RGS7: variants seen among roughly 807,000 people sequenced by gnomAD.
RGS7 encodes the protein regulator of G-protein signaling 7.
Under a neutral mutation model 81.1 loss-of-function variants are expected in RGS7, and 27 were observed. That is an observed-to-expected ratio of 0.33 (90% confidence interval 0.25 to 0.46). The LOEUF is 0.46. Among genes scored for constraint, RGS7 ranks in the 20% least tolerant of loss-of-function variants. RGS7 has a pLI of 1.00. For synonymous variants in RGS7, 208 were observed against 207.7 expected (o/e 1.00, Z -0.01); for missense variants, 396 against 607.4 (o/e 0.65, Z 3.66).
chr1:240,882,444 A>C (rs1047905254), intron 6 of RGS7, among the ~76,000 whole-genome samples: 6 of 152,184 alleles, frequency 3.9e-5, no homozygotes, highest in African/African-American at 1.4e-4. Context: ...AGAGCCTTAA[A>C]TTAACAATCC....
At chr1:240,940,375 C>T (rs973451490) in intron 4 of RGS7, among the ~76,000 whole-genome samples, 2 of 152,278 alleles carry the variant, frequency 1.3e-5, no homozygotes, top group East Asian at 1.9e-4. Flanking sequence ...CTGGTATCCA[C>T]CTGGTCTCCA....
At chr1:240,806,044 G>T in intron 15 of RGS7, 96 bp downstream of exon 15, 1 of 1,087,414 alleles carries the variant, frequency 9.2e-7, no homozygotes, top group East Asian at 2.4e-5. Flanking sequence ...GAAAATGTTA[G>T]AAATAGCTGC....
intron 10 of RGS7, among the ~76,000 whole-genome samples, chr1:240,826,688 T>C (rs1357980445): frequency 6.6e-6 from 1 of 152,140 alleles, no homozygotes; most frequent in Non-Finnish European, 1.5e-5. Context: ...CACACCGATA[T>C]TCTCTCAGAT....
intron 2 of RGS7, among the ~76,000 whole-genome samples, chr1:241,301,327 T>C (rs1283924926): frequency 6.6e-6 from 1 of 152,226 alleles, no homozygotes; most frequent in African/African-American, 2.4e-5. Context: ...TAACTACATA[T>C]ATGTAAAAGC....
chr1:241,268,021 C>T (rs1463782537), intron 2 of RGS7, among the ~76,000 whole-genome samples: 2 of 152,164 alleles, frequency 1.3e-5, no homozygotes, highest in African/African-American at 4.8e-5. Context: ...GTGTTTAAAA[C>T]AAAGCCATTA....
intron 3 of RGS7, among the ~76,000 whole-genome samples, chr1:241,089,051 CTCTCTCTCTCTCTATATATA>C (rs1220238075): frequency 1.9e-5 from 1 of 53,564 alleles, no homozygotes; most frequent in East Asian, 3.6e-4. Context: ...CTCTCTCTCT[CTCTCTCTCTCTCTATATATA>C]TATATATATA....
chr1:241,346,552 A>G (rs183749235), intron 2 of RGS7, among the ~76,000 whole-genome samples: 1 of 152,308 alleles, frequency 6.6e-6, no homozygotes, highest in Admixed American at 6.5e-5. Context: ...TATGCAACCA[A>G]TATTCGAGGA....
At chr1:241,162,168 T>G (rs2069749428) in intron 2 of RGS7, among the ~76,000 whole-genome samples, 1 of 151,468 alleles carries the variant, frequency 6.6e-6, no homozygotes. Context: ...TTGCAGCTGG[T>G]ACCAAAGAAA....
At chr1:240,876,214 C>G (rs1665385956) in intron 6 of RGS7, among the ~76,000 whole-genome samples, 1 of 152,142 alleles carries the variant, frequency 6.6e-6, no homozygotes, top group African/African-American at 2.4e-5. Context: ...CTATTGTGTT[C>G]CCAGGGGTGC....
rs144276099 is a variant in RGS7, at chr1:241,097,454, G to T, written c.175+1212C>A. Among the ~76,000 whole-genome samples, 277 of 152,136 alleles carry T rather than the reference G, an allele frequency of 1.8e-3. 1 individual carries two copies. Among genetic ancestry groups the T allele is most frequent in the Middle Eastern group, 3.4e-3 (1 of 294 alleles). ...ACAGGTATCAAACCCCGACACGGAG[G>T]CCGCTTCCCTATTATTCCTGTCCTG... On this transcript the variant is annotated intron_variant, in intron 3 of 18. Coordinates refer to ENST00000440928, the MANE Select transcript of RGS7 (RefSeq NM_001364886.1).
chr1:241,137,433 C>A (rs2067600749), intron 2 of RGS7, among the ~76,000 whole-genome samples: 1 of 151,876 alleles, frequency 6.6e-6, no homozygotes, highest in Non-Finnish European at 1.5e-5. Flanking sequence ...CATTGTGTTC[C>A]TTTTATTGTT....
chr1:241,022,065 A>G (rs919613200), intron 3 of RGS7, among the ~76,000 whole-genome samples: 1 of 152,218 alleles, frequency 6.6e-6, no homozygotes, highest in Non-Finnish European at 1.5e-5. Flanking sequence ...CGATGACAAT[A>G]TTATCTGCCA....
At chr1:241,298,132 A>G (rs909506858) in intron 2 of RGS7, among the ~76,000 whole-genome samples, 3 of 152,194 alleles carry the variant, frequency 2.0e-5, no homozygotes, top group African/African-American at 7.2e-5. Context: ...ATCTGCTACA[A>G]GAACCTTAAA....
At position 240,960,712 on chromosome 1, in the gene RGS7, G is replaced by A. The variant is rs575214867; in HGVS notation, c.226+22367C>T. 4.6e-5 allele frequency among the ~76,000 whole-genome samples: 7 copies of A among 152,066 alleles called. No individual in the cohort carries two copies. The East Asian group carries it at 1.4e-3, about 29-fold the overall frequency. On this transcript the variant is annotated intron_variant, in intron 4 of 18. Transcript: ENST00000440928. ...AACCTATGTACAGTCACTTAATTCT[G>A]CCCATGAAAAGCAATGTTGCATTTC...
Position 241,215,459 on chromosome 1 carries a change from T to C in RGS7, c.79-116697A>G, listed in dbSNP as rs112907753. Among the ~76,000 whole-genome samples the C allele has an allele frequency of 5.8e-3, 883 of 152,344 alleles. 11 individuals are homozygous for C. The highest frequency in any genetic ancestry group is 0.02 in the African/African-American group (843 of 41,584). On this transcript the variant is annotated intron_variant, in intron 2 of 18. Coordinates refer to ENST00000440928, the MANE Select transcript of RGS7 (RefSeq NM_001364886.1). ...GGTTTCCTCTAGGGCTCCTTGACTA[T>C]TTCCCGAATAAATGAGCAGGTCAGG...
intron 3 of RGS7, among the ~76,000 whole-genome samples, chr1:241,073,493 G>A (rs1457780766): frequency 1.3e-5 from 2 of 152,192 alleles, no homozygotes; most frequent in East Asian, 3.9e-4. Flanking sequence ...AAACTAGCTT[G>A]TTCAGCAAAC....
At chr1:241,049,630 G>A (rs80038810) in intron 3 of RGS7, among the ~76,000 whole-genome samples, 5,923 of 152,190 alleles carry the variant, frequency 0.039, 125 homozygotes, top group Middle Eastern at 0.048. Context: ...CCATAAAGAA[G>A]ATGCTAATGG....
rs146847700 is a variant in RGS7 at position 240,931,438 on chromosome 1, A to G, written c.334-670T>C. 5.1e-4 allele frequency among the ~76,000 whole-genome samples: 78 copies of G among 152,316 alleles called. 1 individual carries two copies. The highest frequency in any genetic ancestry group is 3.4e-3 in the Middle Eastern group (1 of 294). ...TAAAAATAACTAAGAGTGTAACTGGATTGTTTGTAACACAAAGAATAAATG... is the reference window on the plus strand; with the variant it reads ...TAAAAATAACTAAGAGTGTAACTGGGTTGTTTGTAACACAAAGAATAAATG... On this transcript the variant is annotated intron_variant, in intron 5 of 18. Transcript: ENST00000440928.
chr1:241,075,492 C>G (rs79027014), intron 3 of RGS7, among the ~76,000 whole-genome samples: 3 of 152,038 alleles, frequency 2.0e-5, no homozygotes, highest in African/African-American at 7.3e-5. Context: ...TATACAGGCC[C>G]TAGATCAGGG....
Sources: allele counts gnomAD v4.1 joint callset (sites outside exome capture counted in the v4.1 genomes callset), GRCh38; gene constraint gnomAD v4.1.1; transcripts MANE v1.5; gene names NCBI Gene and HGNC (gene_info 2026-07-23, HGNC 2026-07-21).